Variants in CDH13 observed in about 807,000 individuals in gnomAD.
The protein encoded by CDH13 is cadherin-13.
Under a neutral mutation model 63.8 loss-of-function variants are expected in CDH13, and 24 were observed. That is an observed-to-expected ratio of 0.38 (90% CI 0.27 to 0.53). The LOEUF is 0.53. Ranked by LOEUF, CDH13 falls within the 20% of genes least tolerant of loss-of-function variation. The pLI is 0.85. For missense variants in CDH13, 1,049 were observed against 903.1 expected (o/e 1.16, Z -2.07); for synonymous variants, 503 against 355.3 (o/e 1.42, Z -4.67).
intron 1 of CDH13, among the ~76,000 whole-genome samples, chr16:82,711,320 C>G (rs888354921): frequency 1.3e-5 from 2 of 152,122 alleles, no homozygotes; most frequent in African/African-American, 2.4e-5. Flanking sequence ...CTCCAGTGAT[C>G]CTGCAGGACC....
At chr16:82,630,019 A>G (rs549789245) in intron 1 of CDH13, among the ~76,000 whole-genome samples, 1 of 152,298 alleles carries the variant, frequency 6.6e-6, no homozygotes, top group African/African-American at 2.4e-5. Context: ...CTTGGGAGTG[A>G]CTGAAAATGT....
At chr16:82,886,522 T>C (rs2040890525) in intron 2 of CDH13, among the ~76,000 whole-genome samples, 1 of 151,852 alleles carries the variant, frequency 6.6e-6, no homozygotes, top group African/African-American at 2.4e-5. Context: ...CCATATTCAT[T>C]TCTGTTTCTT....
chr16:83,221,943 C>G (rs151276575), intron 5 of CDH13, among the ~76,000 whole-genome samples: 229 of 152,312 alleles, frequency 1.5e-3, no homozygotes, highest in African/African-American at 5.3e-3. Context: ...CTTGTCTTCA[C>G]TGATGAATTA....
At chr16:83,421,760 T>C (rs1373884824) in intron 6 of CDH13, among the ~76,000 whole-genome samples, 1 of 152,230 alleles carries the variant, frequency 6.6e-6, no homozygotes, top group Non-Finnish European at 1.5e-5. Context: ...ATGGACTTTG[T>C]GGTGAACAGC....
chr16:83,109,625 C>T (rs2034962582), intron 3 of CDH13, among the ~76,000 whole-genome samples: 1 of 152,184 alleles, frequency 6.6e-6, no homozygotes, highest in African/African-American at 2.4e-5. Flanking sequence ...ACCTGGATCA[C>T]GTGTGCTCAC....
intron 5 of CDH13, among the ~76,000 whole-genome samples, chr16:83,270,989 C>G (rs934294592): frequency 6.1e-5 from 9 of 148,464 alleles, no homozygotes; most frequent in African/African-American, 1.7e-4. Flanking sequence ...CTTCTTTTCT[C>G]CCTCTCTCAT....
chr16:83,372,798 A>T (rs1206320722), intron 6 of CDH13, among the ~76,000 whole-genome samples: 1 of 151,306 alleles, frequency 6.6e-6, no homozygotes, highest in African/African-American at 2.4e-5. Flanking sequence ...GCGACAACTC[A>T]TCTCTGCATC....
rs556647086 is a variant in CDH13, at chr16:83,328,092, C to T, written c.637-16770C>T. On this transcript the variant is annotated intron_variant, in intron 5 of 13. Coordinates refer to ENST00000567109, the MANE Select transcript of CDH13 (RefSeq NM_001257.5). ...AGCTTGCAGTGAGCCGAGATGGCAC[C>T]ACTGCACTCCAGCCCAGGAGACAGT... 1.2e-4 allele frequency among the ~76,000 whole-genome samples: 18 copies of T among 147,292 alleles called. No homozygotes were observed. In the South Asian group the frequency reaches 3.4e-3, roughly 28 times the overall value.
At chr16:83,094,643 A>G (rs1383059789) in intron 3 of CDH13, among the ~76,000 whole-genome samples, 1 of 152,208 alleles carries the variant, frequency 6.6e-6, no homozygotes, top group Non-Finnish European at 1.5e-5. Context: ...AGTGGCTGAA[A>G]GAATGAATGC....
intron 5 of CDH13, among the ~76,000 whole-genome samples, chr16:83,240,197 C>A (rs977909334): frequency 6.6e-6 from 1 of 152,082 alleles, no homozygotes. Context: ...GGCCGTGACC[C>A]CTTCTTGGCA....
intron 4 of CDH13, among the ~76,000 whole-genome samples, chr16:83,159,694 G>A (rs2037363021): frequency 6.6e-6 from 1 of 152,170 alleles, no homozygotes; most frequent in African/African-American, 2.4e-5. Flanking sequence ...AACGTACATG[G>A]CATCCATTTA....
At chr16:83,436,195 A>G (rs1039609461) in intron 6 of CDH13, among the ~76,000 whole-genome samples, 9 of 152,202 alleles carry the variant, frequency 5.9e-5, no homozygotes, top group Non-Finnish European at 2.9e-5. Flanking sequence ...CCAAATAAAA[A>G]CTATAGGGAA....
At chr16:83,068,245 C>A (rs1274225018) in intron 3 of CDH13, among the ~76,000 whole-genome samples, 1 of 152,194 alleles carries the variant, frequency 6.6e-6, no homozygotes, top group African/African-American at 2.4e-5. Context: ...ATTTTATAGG[C>A]ATTATCTCAC....
chr16:83,531,956 C>G (rs1490549214), intron 7 of CDH13, among the ~76,000 whole-genome samples: 1 of 152,146 alleles, frequency 6.6e-6, no homozygotes, highest in Non-Finnish European at 1.5e-5. Context: ...AATTTTAGCT[C>G]CCACAATTCC....
At chr16:83,759,284 A>G (rs1311130759) in intron 11 of CDH13, among the ~76,000 whole-genome samples, 1 of 152,204 alleles carries the variant, frequency 6.6e-6, no homozygotes, top group Non-Finnish European at 1.5e-5. Context: ...ACAACACAGC[A>G]GTGCAGGTGA....
intron 9 of CDH13, among the ~76,000 whole-genome samples, chr16:83,677,793 G>T (rs1267784412): frequency 6.6e-6 from 1 of 152,110 alleles, no homozygotes; most frequent in East Asian, 1.9e-4. Flanking sequence ...GGTGTCGGGG[G>T]TACGGAGTTA....
chr16:83,029,589 T>C (rs1436678122), intron 2 of CDH13, among the ~76,000 whole-genome samples: 1 of 152,188 alleles, frequency 6.6e-6, no homozygotes, highest in African/African-American at 2.4e-5. Flanking sequence ...TCTCGTGGCA[T>C]GTAATGTCGA....
chr16:82,846,885 A>G (rs2151143941), intron 1 of CDH13, among the ~76,000 whole-genome samples: 1 of 152,366 alleles, frequency 6.6e-6, no homozygotes, highest in Non-Finnish European at 1.5e-5. Context: ...TACTAAAACA[A>G]TAGCAAAAAA....
chr16:82,866,291 C>G (rs967853790), intron 2 of CDH13, among the ~76,000 whole-genome samples: 1 of 151,676 alleles, frequency 6.6e-6, no homozygotes, highest in Non-Finnish European at 1.5e-5. Context: ...AATTTGCTTC[C>G]TCATTTTTGG....
Sources: allele counts gnomAD v4.1 joint callset (sites outside exome capture counted in the v4.1 genomes callset), GRCh38; gene constraint gnomAD v4.1.1; transcripts MANE v1.5; gene names NCBI Gene and HGNC (gene_info 2026-07-23, HGNC 2026-07-21).